Variants in DCDC2C observed in about 807,000 individuals in gnomAD.
The protein encoded by DCDC2C is doublecortin domain containing 2C.
Under a neutral mutation model 45.0 loss-of-function variants are expected in DCDC2C, and 44 were observed. The observed-to-expected ratio is 0.98, with a 90% confidence interval of 0.77 to 1.26. The LOEUF is 1.26. Ranked by LOEUF, DCDC2C falls within the 50% of genes most tolerant of loss-of-function variation. The pLI, the probability that DCDC2C is intolerant of heterozygous loss-of-function variation, is 0.00. For missense variants in DCDC2C, 447 were observed against 468.9 expected, an observed-to-expected ratio of 0.95 and a Z score of 0.43; for synonymous variants, 187 against 178.8, an observed-to-expected ratio of 1.05 and a Z score of -0.37.
At chr2:3,707,953 A>T (rs951063143) in intron 1 of DCDC2C, among the ~76,000 whole-genome samples, 6 of 152,170 alleles carry the variant, frequency 3.9e-5, no homozygotes, top group Admixed American at 6.5e-5. Flanking sequence ...ATTTGAAGGT[A>T]TTATTTATTA....
At chr2:3,777,450 G>A (rs1670374734) in intron 8 of DCDC2C, among the ~76,000 whole-genome samples, 1 of 152,140 alleles carries the variant, frequency 6.6e-6, no homozygotes, top group African/African-American at 2.4e-5. Flanking sequence ...ATTCAGTATG[G>A]TGGGTGTCCT....
At position 3,778,830 on chromosome 2, in the gene DCDC2C, A is replaced by C. The variant is rs1311261266; in HGVS notation, c.969A>C (p.Ile323=). 3.9e-6 allele frequency: 6 copies of C among 1,550,960 alleles called. No homozygotes were observed. Among genetic ancestry groups the C allele is most frequent in the South Asian group, 1.2e-5 (1 of 84,050 alleles). ...EVPVDQRQAE[I]VKEDEEIHEN... The stretch of plus-strand genomic sequence containing the variant: ...TTTCTCCCCAGAGACAAGCTGAGAT[A>C]GTTAAAGAAGATGAAGAGATACATG... Residue 323 remains isoleucine, a synonymous_variant, in exon 9 of 11, where the codon ATA becomes ATC. Transcript: ENST00000399143.
Position 3,734,126 on chromosome 2 carries a change from C to T in DCDC2C, c.416+7047C>T, listed in dbSNP as rs1301935969. On this transcript the variant is annotated intron_variant, in intron 3 of 10. Transcript: ENST00000399143. The surrounding 1 kb of genome is among the most constrained non-coding windows in gnomAD (Gnocchi z 4.2). ...TGTCGTAAATCCCCCATTTCCGTGG[C>T]ACACCAACATCACGTACTGCCCCAA... 1.3e-5 allele frequency among the ~76,000 whole-genome samples: 2 copies of T among 152,240 alleles called. No individual in the cohort carries two copies. Among genetic ancestry groups the T allele is most frequent in the Admixed American group, 1.3e-4 (2 of 15,292 alleles).
intron 5 of DCDC2C, among the ~76,000 whole-genome samples, chr2:3,754,377 T>G (rs749963774): frequency 6.6e-6 from 1 of 152,218 alleles, no homozygotes; most frequent in Non-Finnish European, 1.5e-5. Context: ...GAGGATGGGC[T>G]ATCTGATCTG....
In DCDC2C at chr2:3,740,024, A is replaced by C. The variant is rs149459313; in HGVS notation, c.417-1896A>C. Among the ~76,000 whole-genome samples, 236 of 152,326 alleles carry C rather than the reference A, an allele frequency of 1.5e-3. 2 individuals carry two copies. The highest frequency in any genetic ancestry group is 0.011 in the East Asian group (59 of 5,176). On this transcript the variant is annotated intron_variant, in intron 3 of 10. Transcript: ENST00000399143. ...CACGCTCTGCGAGGGGGACAAGGGAACTTTTCCTGTTCACAACCACTATTA... is the reference window on the plus strand; with the variant it reads ...CACGCTCTGCGAGGGGGACAAGGGACCTTTTCCTGTTCACAACCACTATTA...
chr2:3,784,977 G>A (rs1670612084), intron 9 of DCDC2C, 82 bp from the exon 10 acceptor site: 3 of 1,030,420 alleles, frequency 2.9e-6, no homozygotes, highest in Non-Finnish European at 3.7e-6. Flanking sequence ...GAGAGGCAGA[G>A]TAGAGGTGGG....
chr2:3,770,378 T>C (rs1341899404), intron 8 of DCDC2C, among the ~76,000 whole-genome samples: 1 of 152,222 alleles, frequency 6.6e-6, no homozygotes, highest in Non-Finnish European at 1.5e-5. Flanking sequence ...GCTGTATTTC[T>C]TATTTTCTGT....
chr2:3,767,586 A>C (rs1277862187), intron 6 of DCDC2C, among the ~76,000 whole-genome samples, 168 bp from the exon 7 acceptor site: 1 of 152,216 alleles, frequency 6.6e-6, no homozygotes, highest in African/African-American at 2.4e-5. Flanking sequence ...TGCAAGTAAT[A>C]GAGCAGAAGA....
chr2:3,761,585 A>G lies in DCDC2C; in HGVS notation c.727-6169A>G, dbSNP rs190176123. Among the ~76,000 whole-genome samples, 31 of 152,374 alleles carry G rather than the reference A, an allele frequency of 2.0e-4. No individual in the cohort carries two copies. Among genetic ancestry groups the G allele is most frequent in the Admixed American group, 6.5e-4 (10 of 15,306 alleles). The stretch of plus-strand genomic sequence containing the variant: ...GCAATTGTCATCTTTTAGCAGCCTG[A>G]GGATGCAACAGCCAGGTTCAATGTT... On this transcript the variant is annotated intron_variant, in intron 6 of 10. Transcript: ENST00000399143. The surrounding 1 kb of genome is among the most constrained non-coding windows in gnomAD (Gnocchi z 4.3).
intron 6 of DCDC2C, among the ~76,000 whole-genome samples, chr2:3,756,363 C>T (rs1210231916): frequency 6.6e-6 from 1 of 152,174 alleles, no homozygotes; most frequent in Non-Finnish European, 1.5e-5. Context: ...GCTCAAGTCC[C>T]CTCCCTACTG....
intron 6 of DCDC2C, 59 bp from the exon 7 acceptor site, chr2:3,767,695 T>C: frequency 2.0e-6 from 3 of 1,536,266 alleles, no homozygotes; most frequent in Non-Finnish European, 2.6e-6. Context: ...GAGAACCTGA[T>C]CGGACTCCTT....
At chr2:3,727,609 C>T (rs965638480) in intron 3 of DCDC2C, among the ~76,000 whole-genome samples, 1 of 152,220 alleles carries the variant, frequency 6.6e-6, no homozygotes, top group Admixed American at 6.5e-5. Flanking sequence ...CCTGGGATGC[C>T]GCTGGCAGTG....
In DCDC2C at chr2:3,740,996, G is replaced by A. The variant is rs553505830; in HGVS notation, c.417-924G>A. The stretch of plus-strand genomic sequence containing the variant: ...GATATCATTTATTATTTTTAGACTC[G>A]ATACACCTTGTATTTTACATTATTT... On this transcript the variant is annotated intron_variant, in intron 3 of 10. Coordinates refer to ENST00000399143, the MANE Select transcript of DCDC2C (RefSeq NM_001287444.2). Among the ~76,000 whole-genome samples the A allele has an allele frequency of 3.1e-4, 47 of 152,174 alleles. 2 individuals carry two copies. Among genetic ancestry groups the A allele is most frequent in the Admixed American group, 2.7e-3 (41 of 15,282 alleles).
At chr2:3,810,805 C>G (rs1391274815) in intron 10 of DCDC2C, among the ~76,000 whole-genome samples, 1 of 152,160 alleles carries the variant, frequency 6.6e-6, no homozygotes, top group Non-Finnish European at 1.5e-5. Context: ...TATGGCTAGC[C>G]AGTTTTCCTA....
rs767204173 is a variant in DCDC2C, at chr2:3,842,031, G to T, written c.1066-5123G>T. On this transcript the variant is annotated intron_variant, in intron 10 of 10. Transcript: ENST00000399143. Reference sequence around the variant, plus strand: ...GAGAGTTTGAAACCCAGAAGGGAAGGTGCCTTGTTCAAGATGAATCTGCAA... The same window carrying T: ...GAGAGTTTGAAACCCAGAAGGGAAGTTGCCTTGTTCAAGATGAATCTGCAA... Among the ~76,000 whole-genome samples, 170 of 152,098 alleles carry T rather than the reference G, an allele frequency of 1.1e-3. 5 individuals are homozygous for T. Among genetic ancestry groups the T allele is most frequent in the Non-Finnish European group, 2.6e-4 (18 of 68,026 alleles).
At chr2:3,741,214 G>A (rs1260952683) in intron 3 of DCDC2C, among the ~76,000 whole-genome samples, 1 of 152,124 alleles carries the variant, frequency 6.6e-6, no homozygotes, top group Non-Finnish European at 1.5e-5. Flanking sequence ...TGAATAAGTG[G>A]TTTCTATTAA....
Position 3,708,776 on chromosome 2 carries a change from G to A in DCDC2C, c.339+176G>A, listed in dbSNP as rs535881981. Among the ~76,000 whole-genome samples, 143 of 152,350 alleles carry A rather than the reference G, an allele frequency of 9.4e-4. 1 individual carries two copies. The highest frequency in any genetic ancestry group is 3.4e-3 in the African/African-American group (141 of 41,588). On this transcript the variant is annotated intron_variant, in intron 2 of 10. Coordinates refer to ENST00000399143, the MANE Select transcript of DCDC2C (RefSeq NM_001287444.2). Reference sequence around the variant, plus strand: ...TTGTCATACTTGTCAAAGCACTGAAGTAACCAAGTGGCGGAAGGCAGTGAA... The same window carrying A: ...TTGTCATACTTGTCAAAGCACTGAAATAACCAAGTGGCGGAAGGCAGTGAA...
chr2:3,716,958 G>A (rs1185065689), intron 2 of DCDC2C, among the ~76,000 whole-genome samples: 3 of 152,130 alleles, frequency 2.0e-5, no homozygotes, highest in Admixed American at 6.5e-5. Flanking sequence ...GAACATTTGG[G>A]CCTTGTTGGT....
chr2:3,779,448 G>A (rs1031060739), intron 9 of DCDC2C, among the ~76,000 whole-genome samples: 19 of 151,618 alleles, frequency 1.3e-4, no homozygotes, highest in Admixed American at 7.9e-4. Flanking sequence ...GCGTGTGTCT[G>A]TGGTCCTCTA....
Sources: gnomAD v4.1 joint callset for allele counts (sites outside exome capture counted in the v4.1 genomes callset) on GRCh38, gnomAD v4.1.1 for gene constraint, Gnocchi (gnomAD v3.1) non-coding constraint, MANE v1.5 for transcripts, NCBI Gene and HGNC (gene_info 2026-07-23, HGNC 2026-07-21) for gene names.